Variants in MBNL1 observed in about 807,000 individuals in gnomAD.
MBNL1 encodes muscleblind-like protein 1.
Under a neutral mutation model 42.2 loss-of-function variants are expected in MBNL1, and 8 were observed. That is an observed-to-expected ratio of 0.19 (90% CI 0.11 to 0.34). MBNL1 has a LOEUF of 0.34. MBNL1 is among the 10% of genes least tolerant of loss of function. The pLI, the probability that MBNL1 is intolerant of heterozygous loss-of-function variation, is 1.00. For synonymous variants in MBNL1, 169 were observed against 173.9 expected, an observed-to-expected ratio of 0.97 and a Z score of 0.22; for missense variants, 309 against 495.3, an observed-to-expected ratio of 0.62 and a Z score of 3.57.
intron 2 of MBNL1, among the ~76,000 whole-genome samples, chr3:152,262,122 T>C (rs1355956288): frequency 6.6e-6 from 1 of 152,166 alleles, no homozygotes; most frequent in East Asian, 1.9e-4. Flanking sequence ...GCACAGCCCT[T>C]GGCACATAAT....
At chr3:152,403,885 T>G (rs1579654748) in intron 2 of MBNL1, among the ~76,000 whole-genome samples, 4 of 148,042 alleles carry the variant, frequency 2.7e-5, no homozygotes, top group African/African-American at 7.5e-5. Context: ...GGCAGGGGGG[T>G]GGGGCAGGGA....
chr3:152,322,005 G>C (rs1322610415), intron 2 of MBNL1, among the ~76,000 whole-genome samples: 1 of 151,900 alleles, frequency 6.6e-6, no homozygotes, highest in Non-Finnish European at 1.5e-5. Flanking sequence ...TTTAGATACT[G>C]TTTTAAAAGC....
chr3:152,302,169 GC>G, intron 2 of MBNL1: 1 of 152,180 alleles, frequency 6.6e-6, no homozygotes, highest in East Asian at 1.9e-4. Context: ...AGATTCAACT[GC>G]CACATCAAGG....
At chr3:152,305,823 G>T (rs185261598) in intron 2 of MBNL1, among the ~76,000 whole-genome samples, 3 of 152,284 alleles carry the variant, frequency 2.0e-5, no homozygotes, top group Admixed American at 6.5e-5. Context: ...AGCAACTACA[G>T]AGTTTTTATT....
At chr3:152,388,822 A>G (rs372495108) in intron 2 of MBNL1, among the ~76,000 whole-genome samples, 1 of 152,236 alleles carries the variant, frequency 6.6e-6, no homozygotes, top group Non-Finnish European at 1.5e-5. Context: ...ACAGGTATTC[A>G]GGTAGATGAA....
chr3:152,446,607 T>C, intron 5 of MBNL1: 1 of 859,970 alleles, frequency 1.2e-6, no homozygotes, highest in Non-Finnish European at 1.9e-6. Context: ...AAAAATGCAC[T>C]GCTGCCCCCA....
chr3:152,258,345 C>T (rs1576802425), intron 2 of MBNL1, among the ~76,000 whole-genome samples: 2 of 152,124 alleles, frequency 1.3e-5, no homozygotes, highest in African/African-American at 4.8e-5. Context: ...TTTGCAGGAA[C>T]CTGAGACTAG....
At chr3:152,274,334 G>T (rs988898746) in intron 1 of MBNL1, among the ~76,000 whole-genome samples, 2 of 152,114 alleles carry the variant, frequency 1.3e-5, no homozygotes, top group Non-Finnish European at 1.5e-5. Flanking sequence ...TACCACAGTA[G>T]ACTTAGTGAA....
intron 3 of MBNL1, among the ~76,000 whole-genome samples, chr3:152,422,347 A>G (rs1466246901): frequency 3.3e-5 from 5 of 152,100 alleles, no homozygotes; most frequent in Non-Finnish European, 7.4e-5. Flanking sequence ...ATCAAAAAAG[A>G]CAAAGAAGGG....
chr3:152,247,987 A>G (rs779069463), intron 2 of MBNL1, among the ~76,000 whole-genome samples: 2 of 151,910 alleles, frequency 1.3e-5, no homozygotes, highest in Non-Finnish European at 2.9e-5. Context: ...ATATTTCATC[A>G]TGAGCCTTTA....
chr3:152,447,532 T>A, intron 5 of MBNL1, 88 bp from the exon 6 acceptor site: 1 of 1,049,266 alleles, frequency 9.5e-7, no homozygotes. Context: ...TGCTCATGCT[T>A]CCTAACAATT....
chr3:152,287,465 T>C (rs1200031875), intron 1 of MBNL1, among the ~76,000 whole-genome samples: 4 of 152,178 alleles, frequency 2.6e-5, no homozygotes, highest in African/African-American at 9.7e-5. Flanking sequence ...CAGTAAGCAG[T>C]CTCTGGTAAG....
At chr3:152,257,245 A>AC (rs1427963414) in intron 2 of MBNL1, among the ~76,000 whole-genome samples, 1 of 152,184 alleles carries the variant, frequency 6.6e-6, no homozygotes, top group African/African-American at 2.4e-5. Context: ...GGGCATATTA[A>AC]CCAAGAAGCA....
chr3:152,365,087 A>G (rs1031307286), intron 2 of MBNL1, among the ~76,000 whole-genome samples: 3 of 152,120 alleles, frequency 2.0e-5, no homozygotes, highest in Non-Finnish European at 2.9e-5. Context: ...TGCAGGTGGC[A>G]TATGTAGAAA....
intron 1 of MBNL1, among the ~76,000 whole-genome samples, chr3:152,294,612 T>A (rs1388127173): frequency 6.6e-6 from 1 of 152,186 alleles, no homozygotes; most frequent in Non-Finnish European, 1.5e-5. Flanking sequence ...ATATTTTTGT[T>A]GTTCAGAGAA....
At chr3:152,274,490 A>T (rs1427490453) in intron 1 of MBNL1, among the ~76,000 whole-genome samples, 1 of 152,174 alleles carries the variant, frequency 6.6e-6, no homozygotes, top group African/African-American at 2.4e-5. Flanking sequence ...GAAAGTTCAG[A>T]TAAGGGAAAG....
chr3:152,431,040 G>A (rs972777958), intron 3 of MBNL1, among the ~76,000 whole-genome samples: 1 of 152,076 alleles, frequency 6.6e-6, no homozygotes, highest in Non-Finnish European at 1.5e-5. Context: ...TCATATTTTT[G>A]TTAGTAAAAA....
chr3:152,359,577 C>G (rs1486122812), intron 2 of MBNL1, among the ~76,000 whole-genome samples: 1 of 152,184 alleles, frequency 6.6e-6, no homozygotes, highest in Admixed American at 6.5e-5. Context: ...TGCTCCCAAT[C>G]AGCTATTGCC....
chr3:152,415,183 A>G (rs1043545799), intron 3 of MBNL1, 72 bp downstream of exon 3: 14 of 1,349,082 alleles, frequency 1.0e-5, no homozygotes, highest in Middle Eastern at 2.0e-4. Context: ...TAAAGTGATT[A>G]TTGCACCGGA....
Sources: allele counts gnomAD v4.1 joint callset (sites outside exome capture counted in the v4.1 genomes callset), GRCh38; gene constraint gnomAD v4.1.1; transcripts MANE v1.5; gene names NCBI Gene and HGNC (gene_info 2026-07-23, HGNC 2026-07-21).